The following FRAS1 variants were observed in gnomAD, a reference collection of about 807,000 sequenced individuals.
FRAS1 encodes Fraser extracellular matrix complex subunit 1, also known as extracellular matrix organizing protein FRAS1.
In FRAS1, 290 loss-of-function variants were observed where a neutral mutation model predicts 435.2. The observed-to-expected ratio is 0.67, with a 90% CI of 0.61 to 0.73. The LOEUF is 0.73. Ranked by LOEUF, FRAS1 falls within the 30% of genes least tolerant of loss-of-function variation. FRAS1 has a pLI of 0.00. For missense variants in FRAS1, 4,860 were observed against 5,001.5 expected, an observed-to-expected ratio of 0.97 and a Z score of 0.85; for synonymous variants, 1,800 against 1,851.0, an observed-to-expected ratio of 0.97 and a Z score of 0.71.
intron 2 of FRAS1, chr4:78,182,045 A>C: frequency 6.6e-7 from 1 of 1,512,750 alleles, no homozygotes; most frequent in Non-Finnish European, 8.8e-7. Flanking sequence ...GTGCCCAGGC[A>C]TGATGGTGGC....
intron 2 of FRAS1, among the ~76,000 whole-genome samples, chr4:78,116,502 A>G (rs1743187758): frequency 6.6e-6 from 1 of 152,134 alleles, no homozygotes; most frequent in Non-Finnish European, 1.5e-5. Flanking sequence ...TGCTTTATGA[A>G]TCTGGGTGCT....
chr4:78,204,028 C>T (rs1438347294), intron 2 of FRAS1, among the ~76,000 whole-genome samples: 1 of 152,204 alleles, frequency 6.6e-6, no homozygotes, highest in African/African-American at 2.4e-5. Flanking sequence ...GTGATATGCC[C>T]TACAAACACT....
At chr4:78,195,194 C>T (rs1722746327) in intron 2 of FRAS1, among the ~76,000 whole-genome samples, 1 of 152,224 alleles carries the variant, frequency 6.6e-6, no homozygotes, top group African/African-American at 2.4e-5. Flanking sequence ...TAGGGGGTGC[C>T]TCGCAGTTAG....
intron 2 of FRAS1, among the ~76,000 whole-genome samples, chr4:78,097,429 T>C (rs1741865751): frequency 6.6e-6 from 1 of 152,220 alleles, no homozygotes; most frequent in Admixed American, 6.5e-5. Context: ...ATTTACTGTA[T>C]TAGTCCATTT....
chr4:78,319,701 T>C (rs1729423224), intron 18 of FRAS1: 1 of 235,112 alleles, frequency 4.3e-6, no homozygotes, highest in East Asian at 9.6e-5. Context: ...CTGAGTCTTT[T>C]TTCATATTCA....
intron 2 of FRAS1, among the ~76,000 whole-genome samples, chr4:78,092,733 C>A (rs947157039): frequency 2.0e-5 from 3 of 152,176 alleles, no homozygotes; most frequent in African/African-American, 7.2e-5. Flanking sequence ...GCTTCAATGA[C>A]CTCACAGGAC....
At chr4:78,194,006 G>T (rs1281376570) in intron 2 of FRAS1, among the ~76,000 whole-genome samples, 1 of 152,166 alleles carries the variant, frequency 6.6e-6, no homozygotes, top group Non-Finnish European at 1.5e-5. Flanking sequence ...GTCTCTAAAG[G>T]ATTTTATTTC....
chr4:78,329,808 G>A (rs182162212), intron 18 of FRAS1, among the ~76,000 whole-genome samples: 230 of 152,332 alleles, frequency 1.5e-3, no homozygotes, highest in Non-Finnish European at 2.7e-3. Flanking sequence ...AGCCTCTCAA[G>A]CTCACTTATC....
At chr4:78,077,260 C>T (rs1415502837) in intron 2 of FRAS1, among the ~76,000 whole-genome samples, 2 of 151,970 alleles carry the variant, frequency 1.3e-5, no homozygotes, top group Non-Finnish European at 2.9e-5. Flanking sequence ...TTCTCAGCTA[C>T]TTGGGCGGCT....
intron 2 of FRAS1, among the ~76,000 whole-genome samples, chr4:78,080,596 AAAT>A (rs1289690867): frequency 5.9e-5 from 9 of 152,130 alleles, no homozygotes; most frequent in Non-Finnish European, 1.2e-4. Flanking sequence ...ATACTGTGTG[AAAT>A]AATATTTTCT....
At position 78,511,372 on chromosome 4, in the gene FRAS1, C is replaced by T. The variant is rs749690651; in HGVS notation, c.9879C>T (p.Asn3293=). Residue 3293 remains asparagine (N), a synonymous_variant, in exon 64 of 74, where the codon AAC becomes AAT. Coordinates refer to ENST00000512123, the MANE Select transcript of FRAS1 (RefSeq NM_025074.7). ...ATGTGGGGACCCCCTTAAGGAGCAA[C>T]ATTGTTACCATTGGAACAGACAGTG... ...VGHVGTPLRS[N]IVTIGTDSAI... The T allele has an allele frequency of 1.5e-5, 25 of 1,613,958 alleles. No individual in the cohort carries two copies. Among genetic ancestry groups the T allele is most frequent in the South Asian group, 2.2e-5 (2 of 91,082 alleles).
chr4:78,518,422 G>GTGTA (rs1397809156), intron 66 of FRAS1, among the ~76,000 whole-genome samples: 9 of 135,734 alleles, frequency 6.6e-5, no homozygotes, highest in African/African-American at 2.7e-4. Flanking sequence ...TTTTTGTTGT[G>GTGTA]TATATATATA....
At chr4:78,287,456 T>C (rs777218830) in intron 14 of FRAS1, among the ~76,000 whole-genome samples, 1 of 152,088 alleles carries the variant, frequency 6.6e-6, no homozygotes, top group Non-Finnish European at 1.5e-5. Context: ...GGGTGTGTAG[T>C]GGCAGGGAAA....
chr4:78,389,290 G>A lies in FRAS1; in HGVS notation c.3975+1589G>A, dbSNP rs547014046. ...ATTTCAAATATCACTGCCTACTGAG[G>A]TGTCATTAATGACTAGCTAGAGAGA... On this transcript the variant is annotated intron_variant, in intron 29 of 73. Coordinates refer to ENST00000512123, the MANE Select transcript of FRAS1 (RefSeq NM_025074.7). Among the ~76,000 whole-genome samples, 8 of 152,332 alleles carry A rather than the reference G, an allele frequency of 5.3e-5. No homozygotes were observed. In the South Asian group the frequency reaches 1.7e-3, roughly 32 times the overall value.
intron 20 of FRAS1, among the ~76,000 whole-genome samples, chr4:78,339,189 G>A (rs1002897249): frequency 1.3e-5 from 2 of 152,202 alleles, no homozygotes; most frequent in African/African-American, 2.4e-5. Flanking sequence ...ATCTGGGGAT[G>A]GAAGGGGCTG....
Position 78,450,165 on chromosome 4 carries a change from A to G in FRAS1, c.6289A>G (p.Ile2097Val). 6.2e-7 allele frequency: 1 copy of G among 1,613,426 alleles called. No individual in the cohort carries two copies. The highest frequency in any genetic ancestry group is 1.7e-5 in the Admixed American group (1 of 60,000). Residue 2097 changes from isoleucine to valine, a missense_variant, in exon 45 of 74, where the codon ATC (isoleucine) becomes GTC (valine). Transcript: ENST00000512123. ...TCTCTTCCAAGGGTCTGTAGCACGC[A>G]TCACAGAACAGCACTTGAAAGTGAC... ...LQLSAGSVAR[I>V]TEQHLKVTDI... is the part of the protein sequence containing the mutation.
chr4:78,409,002 G>A (rs1366994299), intron 31 of FRAS1, among the ~76,000 whole-genome samples: 1 of 72,764 alleles, frequency 1.4e-5, no homozygotes, highest in Non-Finnish European at 3.8e-5. Context: ...AGCTAGGCGG[G>A]AGGATCACTT....
At chr4:78,385,434 T>G (rs1217385633) in intron 28 of FRAS1, among the ~76,000 whole-genome samples, 2 of 152,166 alleles carry the variant, frequency 1.3e-5, no homozygotes, top group Non-Finnish European at 2.9e-5. Flanking sequence ...AACATAGACT[T>G]GAACCAGTGG....
intron 2 of FRAS1, among the ~76,000 whole-genome samples, chr4:78,095,557 A>T (rs539653289): frequency 1.3e-5 from 2 of 152,238 alleles, no homozygotes; most frequent in Non-Finnish European, 2.9e-5. Context: ...GACTGGGAAG[A>T]AAAAGAGGTT....
Sources: gnomAD v4.1 joint callset for allele counts (sites outside exome capture counted in the v4.1 genomes callset) on GRCh38, gnomAD v4.1.1 for gene constraint, MANE v1.5 for transcripts, NCBI Gene and HGNC (gene_info 2026-07-23, HGNC 2026-07-21) for gene names.